Variants in NR3C2 observed in about 807,000 individuals in gnomAD.
NR3C2 encodes the protein nuclear receptor subfamily 3 group C member 2, also known as mineralocorticoid receptor.
NR3C2 carries 15 observed loss-of-function variants against 86.4 expected under a neutral mutation model. That is an observed-to-expected ratio of 0.17 (90% confidence interval 0.12 to 0.27). The LOEUF is 0.27. Ranked by LOEUF, NR3C2 falls within the 10% of genes least tolerant of loss-of-function variation. The pLI is 1.00. For synonymous variants in NR3C2, 458 were observed against 450.5 expected, an observed-to-expected ratio of 1.02 and a Z score of -0.21; for missense variants, 960 against 1,195.6, an observed-to-expected ratio of 0.80 and a Z score of 2.91.
At chr4:148,212,450 T>C (rs547801921) in intron 3 of NR3C2, among the ~76,000 whole-genome samples, 21 of 152,316 alleles carry the variant, frequency 1.4e-4, no homozygotes, top group Non-Finnish European at 2.2e-4. Flanking sequence ...AACAGGCTAG[T>C]GCCTGGGGCA....
rs575049124 is a variant in NR3C2, at chr4:148,329,137, C to T, written c.1758-69020G>A. 2.4e-4 allele frequency among the ~76,000 whole-genome samples: 36 copies of T among 152,240 alleles called. No individual in the cohort carries two copies. The South Asian group carries it at 6.2e-3, about 26-fold the overall frequency. On this transcript the variant is annotated intron_variant, in intron 2 of 8. Coordinates refer to ENST00000358102, the MANE Select transcript of NR3C2 (RefSeq NM_000901.5). ...CCAGCCTGAGTGTGAGACTCCAGGG[C>T]ACATAGGGGCCCTGGTGAATGGAGT...
At chr4:148,178,943 A>C (rs547946726) in intron 4 of NR3C2, among the ~76,000 whole-genome samples, 16 of 151,010 alleles carry the variant, frequency 1.1e-4, no homozygotes, top group Admixed American at 1.3e-4. Context: ...AAAAAAAAAA[A>C]AAAACAAAAA....
chr4:148,175,152 C>T (rs1470848437), intron 4 of NR3C2, among the ~76,000 whole-genome samples: 2 of 152,048 alleles, frequency 1.3e-5, no homozygotes, highest in Admixed American at 6.6e-5. Context: ...CATAAAATAA[C>T]ACTAAATCAA....
At chr4:148,422,544 C>T (rs534019379) in intron 2 of NR3C2, among the ~76,000 whole-genome samples, 4 of 152,164 alleles carry the variant, frequency 2.6e-5, no homozygotes, top group African/African-American at 9.6e-5. Flanking sequence ...TAAATACAAA[C>T]TTCACCATGT....
At chr4:148,379,917 A>G (rs1039222881) in intron 2 of NR3C2, among the ~76,000 whole-genome samples, 9 of 152,224 alleles carry the variant, frequency 5.9e-5, no homozygotes, top group Non-Finnish European at 8.8e-5. Context: ...TTGGAAAACT[A>G]AAATTAAGGA....
At chr4:148,242,905 A>C (rs373590971) in intron 3 of NR3C2, among the ~76,000 whole-genome samples, 9 of 152,200 alleles carry the variant, frequency 5.9e-5, no homozygotes, top group Middle Eastern at 3.2e-3. Flanking sequence ...ATGTGTACTC[A>C]ATGAGACTAA....
At chr4:148,301,162 A>G (rs1742319493) in intron 2 of NR3C2, among the ~76,000 whole-genome samples, 1 of 152,084 alleles carries the variant, frequency 6.6e-6, no homozygotes, top group Non-Finnish European at 1.5e-5. Flanking sequence ...AAAATCTTAT[A>G]GCTACTGGAT....
chr4:148,294,794 C>G (rs760131750), intron 2 of NR3C2, among the ~76,000 whole-genome samples: 1 of 151,510 alleles, frequency 6.6e-6, no homozygotes, highest in African/African-American at 2.4e-5. Context: ...TTGGGCAACA[C>G]AGCAAGACCC....
At chr4:148,393,368 G>A (rs1178136037) in intron 2 of NR3C2, among the ~76,000 whole-genome samples, 2 of 152,186 alleles carry the variant, frequency 1.3e-5, no homozygotes, top group Admixed American at 1.3e-4. Flanking sequence ...CCCAAACTGC[G>A]CTTGCCAGCA....
intron 7 of NR3C2, 75 bp from the exon 8 acceptor site, chr4:148,114,336 T>C (rs1159417000): frequency 2.0e-5 from 30 of 1,517,208 alleles, no homozygotes; most frequent in Non-Finnish European, 2.7e-5. Context: ...TAAAGTCATA[T>C]ACTGATTTTG....
intron 2 of NR3C2, among the ~76,000 whole-genome samples, chr4:148,381,592 A>T (rs1746993709): frequency 6.6e-6 from 1 of 152,188 alleles, no homozygotes; most frequent in African/African-American, 2.4e-5. Context: ...TGTGCAATAA[A>T]AGTTCATGTG....
intron 2 of NR3C2, among the ~76,000 whole-genome samples, chr4:148,326,776 T>C (rs77691309): frequency 0.064 from 9,718 of 152,230 alleles, 428 homozygotes; most frequent in African/African-American, 0.13. Flanking sequence ...CTACTAACAA[T>C]GTCTTCCTTT....
At chr4:148,442,717 C>T (rs1175851845), upstream of NR3C2, 5 of 985,284 alleles carry the variant, frequency 5.1e-6, no homozygotes, top group Non-Finnish European at 6.0e-6. Flanking sequence ...GACTCGGCAG[C>T]TTCCTTAAAG....
intron 2 of NR3C2, among the ~76,000 whole-genome samples, chr4:148,392,786 C>T (rs891119004): frequency 5.9e-5 from 9 of 152,198 alleles, no homozygotes; most frequent in African/African-American, 2.2e-4. Flanking sequence ...GAGACATGTA[C>T]ATCTGCGAAA....
intron 6 of NR3C2, among the ~76,000 whole-genome samples, chr4:148,148,054 A>G (rs1522450): frequency 1 from 152,285 of 152,324 alleles, 76,123 homozygotes; most frequent in Non-Finnish European, 1. Flanking sequence ...CTGACCTGTA[A>G]AAATAACTGC....
intron 2 of NR3C2, among the ~76,000 whole-genome samples, chr4:148,328,047 A>G (rs937781763): frequency 1.5e-5 from 2 of 135,648 alleles, no homozygotes; most frequent in African/African-American, 6.4e-5. Flanking sequence ...AGAGGGCCCC[A>G]GGAGCTCTGG....
In NR3C2 at chr4:148,260,111, A is replaced by G. The variant is rs918490882; in HGVS notation, c.1764T>C (p.Thr588=). ...AAGATCCAGTAGAAACACTTCGTAA[A>G]GTAGAGCTGGGGAAAGAAATTGAGA... ...EYIPENVSSS[T]LRSVSTGSSR... is the part of the protein sequence containing the mutation. Residue 588 remains threonine, a synonymous_variant, in exon 3 of 9, where the codon ACT becomes ACC. Coordinates refer to ENST00000358102, the MANE Select transcript of NR3C2 (RefSeq NM_000901.5). 6.2e-7 allele frequency: 1 copy of G among 1,614,056 alleles called. No homozygotes were observed. Among genetic ancestry groups the G allele is most frequent in the Non-Finnish European group, 8.5e-7 (1 of 1,179,976 alleles).
At chr4:148,335,276 A>T (rs2149973923) in intron 2 of NR3C2, among the ~76,000 whole-genome samples, 1 of 152,322 alleles carries the variant, frequency 6.6e-6, no homozygotes, top group African/African-American at 2.4e-5. Context: ...GTACCATTTA[A>T]TTTTGATCAT....
chr4:148,292,175 C>A (rs1246770536), intron 2 of NR3C2, among the ~76,000 whole-genome samples: 1 of 150,344 alleles, frequency 6.7e-6, no homozygotes, highest in Non-Finnish European at 1.5e-5. Context: ...TTTTATGTTT[C>A]CAAATTTTTC....
Sources: gnomAD v4.1 joint callset for allele counts (sites outside exome capture counted in the v4.1 genomes callset) on GRCh38, gnomAD v4.1.1 for gene constraint, MANE v1.5 for transcripts, NCBI Gene and HGNC (gene_info 2026-07-23, HGNC 2026-07-21) for gene names.